Variants in UBQLN1 observed in about 807,000 individuals in gnomAD.
UBQLN1 encodes ubiquilin 1, also known as ubiquilin-1.
In UBQLN1, 13 loss-of-function variants were observed where a neutral mutation model predicts 65.4. The observed-to-expected ratio is 0.20, with a 90% CI of 0.13 to 0.32. The LOEUF is 0.32. UBQLN1 is among the 10% of genes least tolerant of loss of function. UBQLN1 has a pLI of 1.00. For synonymous variants in UBQLN1, 267 were observed against 247.8 expected, an observed-to-expected ratio of 1.08 and a Z score of -0.73; for missense variants, 561 against 724.0, an observed-to-expected ratio of 0.77 and a Z score of 2.58.
chr9:83,688,421 G>T (rs1678900129), intron 1 of UBQLN1, among the ~76,000 whole-genome samples: 1 of 152,144 alleles, frequency 6.6e-6, no homozygotes, highest in Non-Finnish European at 1.5e-5. Flanking sequence ...GGTAAAACTA[G>T]ATTTGTGTTT....
chr9:83,687,173 G>A (rs1832054273), intron 1 of UBQLN1, among the ~76,000 whole-genome samples: 1 of 152,148 alleles, frequency 6.6e-6, no homozygotes, highest in Non-Finnish European at 1.5e-5. Flanking sequence ...ATAAAGGGAA[G>A]TCAGGGAAAG....
chr9:83,681,638 T>C (rs1357312969), intron 3 of UBQLN1, among the ~76,000 whole-genome samples: 2 of 152,208 alleles, frequency 1.3e-5, no homozygotes, highest in Non-Finnish European at 2.9e-5. Flanking sequence ...AATAAATGTA[T>C]TAATGCATTC....
At chr9:83,679,718 T>G in intron 4 of UBQLN1, 57 bp downstream of exon 4, 5 of 1,562,642 alleles carry the variant, frequency 3.2e-6, no homozygotes, top group Non-Finnish European at 3.5e-6. Flanking sequence ...CCACAGAAAA[T>G]TAAATAACAA....
chr9:83,662,349 G>C (rs527922381), intron 10 of UBQLN1, among the ~76,000 whole-genome samples: 74 of 151,296 alleles, frequency 4.9e-4, no homozygotes, highest in Non-Finnish European at 7.4e-4. Context: ...TGTAGCTACT[G>C]ACCAATTGAG....
At chr9:83,684,911 C>T (rs1032714898) in intron 2 of UBQLN1, among the ~76,000 whole-genome samples, 4 of 151,634 alleles carry the variant, frequency 2.6e-5, no homozygotes, top group Non-Finnish European at 2.9e-5. Context: ...CTGAATTTAG[C>T]TAAGGCACAC....
chr9:83,661,767 T>G lies in UBQLN1; in HGVS notation c.*20A>C. The G allele has an allele frequency of 6.4e-7, 1 of 1,567,278 alleles. No individual in the cohort carries two copies. The highest frequency in any genetic ancestry group is 8.6e-7 in the Non-Finnish European group (1 of 1,158,200). ...CGTTATCAAAAATAAATTACATTTT[T>G]TCAAGATACAGAAATGCTGCTATGA... On this transcript the variant is annotated 3_prime_UTR_variant, in exon 11 of 11. Transcript: ENST00000376395.
intron 4 of UBQLN1, 87 bp from the exon 5 acceptor site, chr9:83,678,686 A>G: frequency 7.3e-7 from 1 of 1,374,438 alleles, no homozygotes. Context: ...CTGCCATTAA[A>G]CAAAGTTTAT....
intron 7 of UBQLN1, chr9:83,667,755 C>T (rs974895697): frequency 3.4e-5 from 33 of 977,016 alleles, no homozygotes; most frequent in Non-Finnish European, 3.6e-5. Flanking sequence ...TACCTGAGTG[C>T]TTATACCACA....
Position 83,661,936 on chromosome 9 carries a change from G to T in UBQLN1, c.1621C>A (p.Gln541Lys). 1 of 1,607,730 alleles carries T rather than the reference G, an allele frequency of 6.2e-7. No homozygotes were observed. The highest frequency in any genetic ancestry group is 1.3e-5 in the African/African-American group (1 of 74,516). The change falls in exon 11 of 11, where the codon CAG (glutamine) becomes AAG (lysine). Residue 541 changes from glutamine (Q) to lysine (K), a missense_variant. Around this residue, in one of 8 missense-constraint regions of UBQLN1, gnomAD observed 68 missense variants for 62.2 expected, o/e 1.09. Transcript: ENST00000376395. ...QALAGVNPQL[Q>K]NPEVRFQQQL... ...TGCTGAAATCTGACTTCTGGATTCT[G>T]TAGCTATTAAAGAAAAAAAAAATTA...
intron 7 of UBQLN1, chr9:83,667,037 G>T (rs907648048): frequency 6.6e-6 from 1 of 152,090 alleles, no homozygotes; most frequent in Admixed American, 6.5e-5. Context: ...CAGTCCTCTG[G>T]GAAAAGTATT....
chr9:83,706,945 A>T (rs2131196726), intron 1 of UBQLN1, among the ~76,000 whole-genome samples: 1 of 151,316 alleles, frequency 6.6e-6, no homozygotes, highest in East Asian at 1.9e-4. Context: ...TTTCTACGTC[A>T]TAATTTTTTT....
intron 1 of UBQLN1, among the ~76,000 whole-genome samples, chr9:83,700,593 C>G (rs756561963): frequency 3.3e-5 from 5 of 152,100 alleles, no homozygotes; most frequent in Admixed American, 6.5e-5. Flanking sequence ...CCAATCCAGT[C>G]TGGACAATCA....
At chr9:83,667,710 A>T in intron 7 of UBQLN1, 2 of 984,140 alleles carry the variant, frequency 2.0e-6, no homozygotes, top group Non-Finnish European at 2.4e-6. Flanking sequence ...GTATCCTTTC[A>T]CAGATAATCA....
In UBQLN1 at chr9:83,678,519, G is replaced by A. The variant is rs1330993840; in HGVS notation, c.792C>T (p.Ser264=). The A allele has an allele frequency of 1.9e-6, 3 of 1,613,820 alleles. No individual in the cohort carries two copies. In the African/African-American group the frequency reaches 4.0e-5, roughly 22 times the overall value. Residue 264 remains serine, a synonymous_variant, in exon 5 of 11, where the codon AGC becomes AGT. Transcript: ENST00000376395. ...TTAAAGCATTATATCCCCCTGGGAT[G>A]CTTTCTAGGTTGCTCAAAGCTCGGT... is the stretch of plus-strand genomic sequence containing the variant. ...NQDRALSNLE[S]IPGGYNALRR...
intron 6 of UBQLN1, 22 bp downstream of exon 6, chr9:83,677,705 G>A: frequency 6.4e-7 from 1 of 1,565,482 alleles, no homozygotes; most frequent in Non-Finnish European, 8.7e-7. Flanking sequence ...AAAGAAAAAA[G>A]CCTGAGTTGT....
intron 1 of UBQLN1, among the ~76,000 whole-genome samples, chr9:83,706,040 T>TA (rs1832400131): frequency 6.6e-6 from 1 of 152,138 alleles, no homozygotes. Flanking sequence ...TATATCTTGA[T>TA]AAGAGCTTGG....
intron 1 of UBQLN1, among the ~76,000 whole-genome samples, chr9:83,692,801 G>C (rs975833583): frequency 6.6e-6 from 1 of 152,162 alleles, no homozygotes; most frequent in Admixed American, 6.5e-5. Context: ...GTGGTGAGCT[G>C]AGATCATGCC....
intron 1 of UBQLN1, among the ~76,000 whole-genome samples, chr9:83,704,667 A>G (rs1832367684): frequency 6.6e-6 from 1 of 152,040 alleles, no homozygotes; most frequent in Non-Finnish European, 1.5e-5. Context: ...TCTACTACAA[A>G]TAGGAAAATT....
chr9:83,705,320 A>G (rs1006802458), intron 1 of UBQLN1, among the ~76,000 whole-genome samples: 21 of 143,556 alleles, frequency 1.5e-4, no homozygotes, highest in African/African-American at 5.1e-4. Context: ...GGCTCACTGT[A>G]ACCTCCCTCT....
Sources: allele counts gnomAD v4.1 joint callset (sites outside exome capture counted in the v4.1 genomes callset), GRCh38; gene constraint gnomAD v4.1.1; regional missense constraint gnomAD v4.1.1; transcripts MANE v1.5; gene names NCBI Gene and HGNC (gene_info 2026-07-23, HGNC 2026-07-21).